NUP210L: variants seen among roughly 807,000 people sequenced by gnomAD.
NUP210L encodes the protein nuclear pore membrane glycoprotein 210-like.
NUP210L carries 74 observed loss-of-function variants against 208.5 expected under a neutral mutation model. The observed-to-expected ratio is 0.35, with a 90% CI of 0.29 to 0.43. NUP210L has a LOEUF of 0.43. Ranked by LOEUF, NUP210L falls within the 20% of genes least tolerant of loss-of-function variation. The probability of loss-of-function intolerance (pLI) is 1.00; values close to 1 mark genes in which losing one functional copy is unlikely to be tolerated. For synonymous variants in NUP210L, 780 were observed against 816.9 expected (o/e 0.95, Z 0.77); for missense variants, 1,843 against 2,289.4 (o/e 0.81, Z 3.98).
chr1:154,001,022 A>G (rs948087554), exon 37 of NUP210L: 8 of 1,614,064 alleles, frequency 5.0e-6, no homozygotes, highest in Middle Eastern at 1.6e-4. Flanking sequence ...GAGAGTGGCT[A>G]TGGCCAGCGA....
At chr1:154,083,915 G>C (rs1431019028) in intron 16 of NUP210L, among the ~76,000 whole-genome samples, 1 of 151,878 alleles carries the variant, frequency 6.6e-6, no homozygotes, top group East Asian at 1.9e-4. Context: ...TGTCATGAAT[G>C]GTATGAAACT....
At chr1:154,001,405 C>T (rs976907059) in intron 36 of NUP210L, among the ~76,000 whole-genome samples, 3 of 152,120 alleles carry the variant, frequency 2.0e-5, no homozygotes, top group African/African-American at 7.2e-5. Context: ...ACCATGTTGG[C>T]CAGGATGGTC....
chr1:154,005,693 C>T (rs982836806), intron 35 of NUP210L, among the ~76,000 whole-genome samples: 13 of 151,426 alleles, frequency 8.6e-5, no homozygotes, highest in Admixed American at 1.3e-4. Flanking sequence ...TGCAACACCA[C>T]GTCTGGCTAA....
intron 7 of NUP210L, among the ~76,000 whole-genome samples, chr1:154,132,819 G>T (rs982289888): frequency 6.6e-6 from 1 of 152,044 alleles, no homozygotes; most frequent in Non-Finnish European, 1.5e-5. Context: ...AACAACATTG[G>T]ATCAATAACT....
At chr1:154,127,117 A>G (rs938640037) in intron 9 of NUP210L, among the ~76,000 whole-genome samples, 194 bp downstream of exon 9, 2 of 151,774 alleles carry the variant, frequency 1.3e-5, no homozygotes, top group Non-Finnish European at 2.9e-5. Flanking sequence ...TTAAAAAAAA[A>G]AAAAAAAGAA....
intron 37 of NUP210L, among the ~76,000 whole-genome samples, chr1:153,997,512 G>A (rs1252374214): frequency 4.2e-5 from 6 of 144,382 alleles, no homozygotes; most frequent in Admixed American, 2.2e-4. Flanking sequence ...TTCTCACTCA[G>A]GCTGCAGTGC....
exon 36 of NUP210L, chr1:154,001,949 G>A: frequency 6.2e-7 from 1 of 1,613,950 alleles, no homozygotes; most frequent in Non-Finnish European, 8.5e-7. Context: ...CAGCTCCTCT[G>A]ACTGCGGTCG....
At chr1:154,046,326 A>G in exon 26 of NUP210L, 1 of 1,614,184 alleles carries the variant, frequency 6.2e-7, no homozygotes, top group Admixed American at 1.7e-5. Context: ...AGCTGCAAGG[A>G]TCCTAACAGC....
chr1:154,003,238 C>CG (rs1175055701), intron 35 of NUP210L, among the ~76,000 whole-genome samples: 1 of 151,182 alleles, frequency 6.6e-6, no homozygotes, highest in Non-Finnish European at 1.5e-5. Flanking sequence ...GACAGAGTCT[C>CG]GCCCTGTTGC....
intron 12 of NUP210L, among the ~76,000 whole-genome samples, chr1:154,114,016 G>A (rs985466677): frequency 7.3e-5 from 11 of 151,614 alleles, no homozygotes; most frequent in African/African-American, 1.7e-4. Context: ...GGTAGTGGGC[G>A]CCTGTAATCC....
intron 7 of NUP210L, among the ~76,000 whole-genome samples, chr1:154,132,274 A>G (rs1389077395): frequency 2.6e-5 from 4 of 152,314 alleles, no homozygotes; most frequent in Non-Finnish European, 5.9e-5. Context: ...AGCTCCAACT[A>G]TCACCTATCT....
intron 20 of NUP210L, among the ~76,000 whole-genome samples, chr1:154,059,571 T>C (rs1057181233): frequency 2.0e-5 from 3 of 152,118 alleles, no homozygotes; most frequent in Admixed American, 6.6e-5. Flanking sequence ...ATCCAACATA[T>C]GTATTCAGCT....
intron 27 of NUP210L, among the ~76,000 whole-genome samples, chr1:154,041,950 G>T (rs1476296355): frequency 6.6e-6 from 1 of 152,054 alleles, no homozygotes; most frequent in East Asian, 1.9e-4. Context: ...CATTTCCTTT[G>T]TGCAGATTTC....
At chr1:154,015,967 A>G (rs1651227034) in intron 33 of NUP210L, among the ~76,000 whole-genome samples, 1 of 151,432 alleles carries the variant, frequency 6.6e-6, no homozygotes, top group Non-Finnish European at 1.5e-5. Flanking sequence ...AATAAAAAAA[A>G]TAGATGGCTA....
chr1:154,105,588 T>A (rs1172561733), intron 12 of NUP210L, among the ~76,000 whole-genome samples: 3 of 152,212 alleles, frequency 2.0e-5, no homozygotes, highest in East Asian at 3.8e-4. Flanking sequence ...GCTTCAGGTG[T>A]GACTCAGTAC....
At chr1:154,010,113 T>C (rs751223495) in exon 35 of NUP210L, 5 of 1,609,972 alleles carry the variant, frequency 3.1e-6, no homozygotes, top group Non-Finnish European at 2.5e-6. Context: ...TGGTTTGGGG[T>C]ACAGAATCCT....
chr1:154,055,119 TTTCTTTTCTTTC>T (rs1653748101), intron 23 of NUP210L, among the ~76,000 whole-genome samples: 1 of 134,096 alleles, frequency 7.5e-6, no homozygotes, highest in South Asian at 2.5e-4. Context: ...TTTCTCTTTC[TTTCTTTTCTTTC>T]TTTCTTTCTT....
chr1:154,124,218 G>A (rs1443149028), intron 10 of NUP210L, among the ~76,000 whole-genome samples: 1 of 146,454 alleles, frequency 6.8e-6, no homozygotes, highest in Non-Finnish European at 1.5e-5. Context: ...GAGAGAGAGA[G>A]AGCACAACGG....
intron 10 of NUP210L, among the ~76,000 whole-genome samples, chr1:154,124,543 A>T (rs955523555): frequency 6.6e-6 from 1 of 152,238 alleles, no homozygotes; most frequent in African/African-American, 2.4e-5. Context: ...ATGTACAAAG[A>T]TACTCAGTTA....
Sources: allele counts gnomAD v4.1 joint callset (sites outside exome capture counted in the v4.1 genomes callset), GRCh38; gene constraint gnomAD v4.1.1; transcripts MANE v1.5; gene names NCBI Gene and HGNC (gene_info 2026-07-23, HGNC 2026-07-21).